Variants in SLC1A6 observed in about 807,000 individuals in gnomAD.
SLC1A6 encodes the protein solute carrier family 1 member 6, also known as excitatory amino acid transporter 4.
SLC1A6 carries 15 observed loss-of-function variants against 42.1 expected under a neutral mutation model. The ratio of observed to expected loss-of-function variants is 0.36; its 90% CI spans 0.24 to 0.55. The LOEUF (loss-of-function observed/expected upper bound fraction) is 0.55. Ranked by LOEUF, SLC1A6 falls within the 20% of genes least tolerant of loss-of-function variation. The probability of loss-of-function intolerance (pLI) is 0.88; values close to 1 mark genes in which losing one functional copy is unlikely to be tolerated. For missense variants in SLC1A6, 542 were observed against 772.5 expected, an observed-to-expected ratio of 0.70 and a Z score of 3.54; for synonymous variants, 317 against 319.7, an observed-to-expected ratio of 0.99 and a Z score of 0.09.
Position 14,956,496 on chromosome 19 carries a change from G to A in SLC1A6, c.1149C>T (p.Thr383=), listed in dbSNP as rs568967705. 51 of 1,592,168 alleles carry A rather than the reference G, an allele frequency of 3.2e-5. No homozygotes were observed. The highest frequency in any genetic ancestry group is 6.7e-5 in the African/African-American group (5 of 74,626). The change falls in exon 7 of 10, where the codon ACC becomes ACT. Residue 383 remains threonine (T), a synonymous_variant. Transcript: ENST00000594383. ...FIGGMLQALI[T]AMGTSSSSAT... The stretch of plus-strand genomic sequence containing the variant: ...CATACCTGGAAGACGTGCCCATAGC[G>A]GTGATGAGGGCTTGTAGCATGCCCC...
chr19:14,956,891 G>A (rs1312775525), intron 6 of SLC1A6, among the ~76,000 whole-genome samples, 182 bp from the exon 7 acceptor site: 1 of 152,020 alleles, frequency 6.6e-6, no homozygotes, highest in Non-Finnish European at 1.5e-5. Context: ...CCCCATGAAT[G>A]AAGCCCACCT....
chr19:14,956,054 G>T (rs1358333607), intron 7 of SLC1A6, among the ~76,000 whole-genome samples: 4 of 152,100 alleles, frequency 2.6e-5, no homozygotes, highest in Non-Finnish European at 5.9e-5. Context: ...AAGAAGAGGA[G>T]GAGGAAGAGG....
chr19:14,972,571 G>A, intron 2 of SLC1A6, 135 bp downstream of exon 2: 1 of 683,784 alleles, frequency 1.5e-6, no homozygotes, highest in Non-Finnish European at 2.6e-6. Flanking sequence ...GGGGGGTTGA[G>A]GGTGACTGGT....
intron 1 of SLC1A6, among the ~76,000 whole-genome samples, chr19:14,997,130 A>G (rs7254289): frequency 0.75 from 114,142 of 151,974 alleles, 42,954 homozygotes; most frequent in South Asian, 0.81. Flanking sequence ...AGGACAGACA[A>G]AACTCAGTCA....
chr19:14,983,222 A>G (rs2045776333), upstream of SLC1A6, among the ~76,000 whole-genome samples: 1 of 152,320 alleles, frequency 6.6e-6, no homozygotes, highest in African/African-American at 2.4e-5. Context: ...ATCTTGTTTC[A>G]GCTCATACAG....
intron 1 of SLC1A6, among the ~76,000 whole-genome samples, chr19:14,999,611 T>C (rs1405399785): frequency 1.3e-5 from 2 of 152,258 alleles, no homozygotes; most frequent in Admixed American, 6.5e-5. Flanking sequence ...ACATGCATTA[T>C]CTCACATACT....
At chr19:14,997,107 T>C (rs1333815551) in intron 1 of SLC1A6, among the ~76,000 whole-genome samples, 5 of 152,188 alleles carry the variant, frequency 3.3e-5, no homozygotes, top group African/African-American at 4.8e-5. Flanking sequence ...ACAAGGAATT[T>C]CCTTGCAGGC....
chr19:14,975,478 G>A (rs911576292), intron 1 of SLC1A6, among the ~76,000 whole-genome samples: 6 of 152,022 alleles, frequency 3.9e-5, no homozygotes, highest in Non-Finnish European at 5.9e-5. Context: ...AAACGGCCAG[G>A]GCGCAGTGGC....
chr19:15,007,163 C>A (rs933272472), intron 1 of SLC1A6, among the ~76,000 whole-genome samples: 1 of 152,008 alleles, frequency 6.6e-6, no homozygotes, highest in Non-Finnish European at 1.5e-5. Context: ...GATGGATAAA[C>A]AAAGTTATGG....
chr19:14,980,783 A>C (rs1433272033), upstream of SLC1A6, among the ~76,000 whole-genome samples: 1 of 151,820 alleles, frequency 6.6e-6, no homozygotes, highest in East Asian at 1.9e-4. Context: ...TAATCTACAC[A>C]CTCCTATAAA....
Position 14,952,968 on chromosome 19 carries a change from TG to T in SLC1A6, c.1458del (p.Thr487ArgfsTer20). ...MVIVLTSVGLPTEDITLIIAV... is the reference protein window; with the variant it reads ...MVIVLTSVGLXTEDITLIIAV... ...GCAATGATGAGCGTGATGTCTTCCG[TG>T]GGCAAGCCGACCGACGTAAGCACAA... On this transcript the variant is annotated frameshift_variant, in exon 9 of 10. Coordinates refer to ENST00000594383, the MANE Select transcript of SLC1A6 (RefSeq NM_005071.3). LOFTEE classifies it high-confidence loss of function. 1 of 1,613,908 alleles carries T rather than the reference TG, an allele frequency of 6.2e-7. No individual in the cohort carries two copies. Among genetic ancestry groups the T allele is most frequent in the Non-Finnish European group, 8.5e-7 (1 of 1,179,954 alleles).
intron 1 of SLC1A6, among the ~76,000 whole-genome samples, chr19:15,000,237 C>G (rs536823287): frequency 6.6e-6 from 1 of 152,016 alleles, no homozygotes; most frequent in Non-Finnish European, 1.5e-5. Flanking sequence ...AGGATGTAAC[C>G]TTATCATAAG....
In SLC1A6 at chr19:14,964,187, A is replaced by G. The variant is rs1422914663; in HGVS notation, c.591+132T>C. 5.4e-6 allele frequency: 4 copies of G among 738,884 alleles called. No individual in the cohort carries two copies. In the African/African-American group the frequency reaches 7.1e-5, roughly 13 times the overall value. 45.8% of individuals were successfully genotyped at this position (738,884 alleles called of 1,614,324 possible). A position where few individuals can be genotyped will look rare whatever the true frequency, so the allele number is the denominator to read the frequency against. ...ATGGAAAATACATCCTTTCTCCTAG[A>G]CTCCTCAAGAACCCCTGCCCATTGC... On this transcript the variant is annotated intron_variant, in intron 5 of 9. Transcript: ENST00000594383.
chr19:15,008,362 A>G (rs1600045321), intron 1 of SLC1A6, among the ~76,000 whole-genome samples: 1 of 151,982 alleles, frequency 6.6e-6, no homozygotes, highest in Non-Finnish European at 1.5e-5. Flanking sequence ...AAAGAGAGAT[A>G]TATATATACA....
At chr19:15,007,671 C>G (rs913788247) in intron 1 of SLC1A6, among the ~76,000 whole-genome samples, 5 of 152,276 alleles carry the variant, frequency 3.3e-5, no homozygotes, top group African/African-American at 1.2e-4. Context: ...GGATACAAGA[C>G]TAGCATGCTT....
Position 14,972,770 on chromosome 19 carries a change from C to A in SLC1A6, c.141G>T (p.Glu47Asp). ...TTCGGCGCAGGAAGCGCAGCACGTGCTCGAGGGTCATGGTCTGCAGGCGCA... is the reference window on the plus strand; with the variant it reads ...TTCGGCGCAGGAAGCGCAGCACGTGATCGAGGGTCATGGTCTGCAGGCGCA... ...TRLRLQTMTL[E>D]HVLRFLRRNA... Residue 47 changes from glutamate to aspartate, a missense_variant, in exon 2 of 10, where the codon GAG becomes GAT. Physicochemically the swap from Glu to Asp is conservative, Grantham distance 45. This residue lies in a region of SLC1A6 where 88 missense variants were observed against 85.5 expected (regional missense o/e 1.03). Transcript: ENST00000594383. The A allele has an allele frequency of 6.2e-7, 1 of 1,613,990 alleles. No homozygotes were observed. The highest frequency in any genetic ancestry group is 1.6e-4 in the Middle Eastern group (1 of 6,062).
At position 15,009,772 on chromosome 19, in the gene SLC1A6, A is replaced by T. The variant is rs573449810; in HGVS notation, c.6+713T>A. Reference sequence around the variant, plus strand: ...AAATCCATAAAAATAAATTTTTTTTAAAGGCTCTTAATTCTTCTAGGGCAG... The same window carrying T: ...AAATCCATAAAAATAAATTTTTTTTTAAGGCTCTTAATTCTTCTAGGGCAG... On this transcript the variant is annotated intron_variant, in intron 1 of 8. Transcript: ENST00000430939. Among the ~76,000 whole-genome samples, 229 of 152,330 alleles carry T rather than the reference A, an allele frequency of 1.5e-3. 3 individuals are homozygous for T. The highest frequency in any genetic ancestry group is 6.8e-3 in the Middle Eastern group (2 of 294).
chr19:14,985,262 C>T (rs1320519795), intron 1 of SLC1A6, among the ~76,000 whole-genome samples: 1 of 152,158 alleles, frequency 6.6e-6, no homozygotes, highest in Non-Finnish European at 1.5e-5. Context: ...GTCTGTCAAA[C>T]CTCCTTTGAT....
intron 4 of SLC1A6, among the ~76,000 whole-genome samples, chr19:14,966,117 C>T (rs764190680): frequency 2.6e-5 from 4 of 152,158 alleles, no homozygotes; most frequent in Non-Finnish European, 5.9e-5. Flanking sequence ...GCACTAAAAT[C>T]TCAGAATTCT....
Sources: allele counts gnomAD v4.1 joint callset (sites outside exome capture counted in the v4.1 genomes callset), GRCh38; gene constraint gnomAD v4.1.1; regional missense constraint gnomAD v4.1.1; transcripts MANE v1.5; gene names NCBI Gene and HGNC (gene_info 2026-07-23, HGNC 2026-07-21).